Variants in VRK3 observed in about 807,000 individuals in gnomAD.
The protein encoded by VRK3 is VRK serine/threonine kinase 3, also known as serine/threonine-protein kinase VRK3.
In VRK3, 50 loss-of-function variants were observed where a neutral mutation model predicts 60.4. The observed-to-expected ratio is 0.83, with a 90% confidence interval of 0.66 to 1.05. VRK3 has a LOEUF of 1.05. Among genes scored for constraint, VRK3 ranks in the 50% least tolerant of loss-of-function variants. The pLI is 0.00. For missense variants in VRK3, 549 were observed against 585.3 expected, an observed-to-expected ratio of 0.94 and a Z score of 0.64; for synonymous variants, 246 against 227.8, an observed-to-expected ratio of 1.08 and a Z score of -0.72.
intron 13 of VRK3, among the ~76,000 whole-genome samples, chr19:49,980,365 G>T (rs1261643204): frequency 6.6e-6 from 1 of 152,142 alleles, no homozygotes; most frequent in Non-Finnish European, 1.5e-5. Flanking sequence ...TGGCCCCAGG[G>T]TTAAGTGAAA....
intron 10 of VRK3, among the ~76,000 whole-genome samples, chr19:49,990,132 T>C (rs1477286480): frequency 1.3e-5 from 2 of 152,150 alleles, no homozygotes; most frequent in Non-Finnish European, 2.9e-5. Flanking sequence ...ACCGGCACTT[T>C]ACACTTTAAT....
rs774230041 is a variant in VRK3, at chr19:49,988,415, T to C, written c.1174A>G (p.Asn392Asp). ...KWLYGFLPWTNCLPNTEDIMK... is the reference protein window; with the variant it reads ...KWLYGFLPWTDCLPNTEDIMK... ...ATGTCCTCAGTGTTGGGAAGGCAATTTGTCCATGGCAGAAACCCGTAGAGC... is the reference window on the plus strand; with the variant it reads ...ATGTCCTCAGTGTTGGGAAGGCAATCTGTCCATGGCAGAAACCCGTAGAGC... The change falls in exon 12 of 15, where the codon AAT becomes GAT. Residue 392 changes from asparagine to aspartate, a missense_variant. Coordinates refer to ENST00000316763, the MANE Select transcript of VRK3 (RefSeq NM_016440.4). The C allele has an allele frequency of 4.3e-6, 7 of 1,613,424 alleles. No homozygotes were observed. The highest frequency in any genetic ancestry group is 1.7e-5 in the Admixed American group (1 of 59,994).
chr19:49,985,869 T>G (rs1219216479), intron 12 of VRK3, among the ~76,000 whole-genome samples: 3 of 152,188 alleles, frequency 2.0e-5, no homozygotes, highest in African/African-American at 7.2e-5. Flanking sequence ...ATGGGCTGTC[T>G]CTGGAGTTGA....
At chr19:50,001,457 G>GC (rs1446705729) in intron 5 of VRK3, 1 of 152,378 alleles carries the variant, frequency 6.6e-6, no homozygotes, top group Non-Finnish European at 1.5e-5. Flanking sequence ...GCCTCTCCTG[G>GC]CCCAACACGG....
intron 12 of VRK3, among the ~76,000 whole-genome samples, chr19:49,983,577 A>G (rs1239582360): frequency 2.0e-5 from 3 of 152,214 alleles, no homozygotes; most frequent in Non-Finnish European, 4.4e-5. Flanking sequence ...CAGCCCTAAC[A>G]GCGGGTCCAA....
rs3217382 is a variant in VRK3 at position 50,007,714 on chromosome 19, C to CCTGGTCTTCTGAGGGCTACAG, written c.381_401dup (p.Ser127_Thr133dup). Reference sequence around the variant, plus strand: ...TCCGCTTCAGCGTCTGAGGGCTCTGCCTGGTCTTCTGAGGGCTACAGCTGG... The same window carrying CCTGGTCTTCTGAGGGCTACAG: ...TCCGCTTCAGCGTCTGAGGGCTCTGCCTGGTCTTCTGAGGGCTACAGCTGGTCTTCTGAGGGCTACAGCTGG... On this transcript the variant is annotated inframe_insertion, in exon 5 of 15. Transcript: ENST00000316763. 6.2e-7 allele frequency: 1 copy of CCTGGTCTTCTGAGGGCTACAG among 1,614,106 alleles called. No homozygotes were observed. Among genetic ancestry groups the CCTGGTCTTCTGAGGGCTACAG allele is most frequent in the Non-Finnish European group, 8.5e-7 (1 of 1,180,008 alleles).
At chr19:49,983,656 G>A (rs777520092) in intron 12 of VRK3, among the ~76,000 whole-genome samples, 6 of 152,224 alleles carry the variant, frequency 3.9e-5, no homozygotes, top group African/African-American at 7.2e-5. Context: ...GGACTTCAAC[G>A]GCCTCTCCTC....
intron 13 of VRK3, among the ~76,000 whole-genome samples, chr19:49,980,270 T>G (rs1158554163): frequency 6.6e-6 from 1 of 152,112 alleles, no homozygotes; most frequent in Non-Finnish European, 1.5e-5. Flanking sequence ...GGATTGGCTT[T>G]ATAAGTTACG....
Position 49,995,356 on chromosome 19 carries a change from C to T in VRK3, c.680-81G>A, listed in dbSNP as rs765059607. On this transcript the variant is annotated intron_variant, in intron 7 of 14. Coordinates refer to ENST00000316763, the MANE Select transcript of VRK3 (RefSeq NM_016440.4). ...TAAGAGCTAGTTCTCAGAGAAGAAGCACAGAGTGCCCAGACCGCCTCCAAG... is the reference window on the plus strand; with the variant it reads ...TAAGAGCTAGTTCTCAGAGAAGAAGTACAGAGTGCCCAGACCGCCTCCAAG... 2.9e-4 allele frequency: 378 copies of T among 1,289,248 alleles called. 2 individuals are homozygous for T. Among genetic ancestry groups the T allele is most frequent in the South Asian group, 2.4e-3 (197 of 81,266 alleles). 79.9% of individuals were successfully genotyped at this position (1,289,248 alleles called of 1,614,324 possible).
intron 1 of VRK3, among the ~76,000 whole-genome samples, chr19:50,023,735 T>TGGG (rs1260921315): frequency 6.9e-6 from 1 of 145,018 alleles, no homozygotes; most frequent in South Asian, 2.1e-4. Flanking sequence ...GCCAAGAAGG[T>TGGG]GGGTGGGGGG....
intron 3 of VRK3, among the ~76,000 whole-genome samples, chr19:50,013,199 C>T (rs1193534255): frequency 3.9e-5 from 6 of 152,104 alleles, no homozygotes; most frequent in Non-Finnish European, 7.4e-5. Flanking sequence ...AACACTCTGA[C>T]TCTCAAGTTG....
At chr19:49,997,450 C>T (rs889067961) in intron 7 of VRK3, 54 bp downstream of exon 7, 2 of 1,598,536 alleles carry the variant, frequency 1.3e-6, no homozygotes, top group East Asian at 4.5e-5. Flanking sequence ...AGTGCTGTGA[C>T]CAAGTTGGCG....
intron 5 of VRK3, among the ~76,000 whole-genome samples, chr19:50,004,145 C>A (rs2076855267): frequency 6.6e-6 from 1 of 152,198 alleles, no homozygotes; most frequent in South Asian, 2.1e-4. Flanking sequence ...TAAGGGAAAA[C>A]CAAAACCACA....
At chr19:49,982,501 T>G (rs768574) in intron 12 of VRK3, among the ~76,000 whole-genome samples, 57,833 of 152,068 alleles carry the variant, frequency 0.38, 12,027 homozygotes, top group East Asian at 0.74. Context: ...AAAAAATGTA[T>G]CATTAACTAA....
chr19:50,003,311 G>A (rs2076839934), intron 5 of VRK3, among the ~76,000 whole-genome samples: 2 of 152,248 alleles, frequency 1.3e-5, no homozygotes, highest in African/African-American at 4.8e-5. Context: ...AGCTGTAGGA[G>A]AATAAGCATG....
intron 10 of VRK3, among the ~76,000 whole-genome samples, chr19:49,991,883 C>T (rs1033309979): frequency 6.6e-6 from 1 of 152,174 alleles, no homozygotes; most frequent in African/African-American, 2.4e-5. Context: ...CACACAGTCC[C>T]TTTTGGTTTT....
intron 3 of VRK3, 123 bp downstream of exon 3, chr19:50,015,901 C>A: frequency 7.3e-7 from 1 of 1,363,474 alleles, no homozygotes. Context: ...AGTCCTGAGG[C>A]CTGGGCTTCT....
intron 5 of VRK3, among the ~76,000 whole-genome samples, chr19:50,005,614 A>G (rs2076877729): frequency 6.7e-6 from 1 of 149,888 alleles, no homozygotes. Context: ...CAAAGCGGAA[A>G]CTACCCAAAC....
In VRK3 at chr19:50,015,031, C is replaced by T. The variant is rs954622365; in HGVS notation, c.139+993G>A. Among the ~76,000 whole-genome samples the T allele has an allele frequency of 2.6e-5, 4 of 151,944 alleles. No individual in the cohort carries two copies. In the East Asian group the frequency reaches 5.8e-4, roughly 22 times the overall value. On this transcript the variant is annotated intron_variant, in intron 3 of 14. Transcript: ENST00000316763. ...ATTTGCTGAAGGGGTGGGTGTGTCACGGGGTGCGAGACAAAGAGAACTCAA... is the reference window on the plus strand; with the variant it reads ...ATTTGCTGAAGGGGTGGGTGTGTCATGGGGTGCGAGACAAAGAGAACTCAA...
Sources: allele counts gnomAD v4.1 joint callset (sites outside exome capture counted in the v4.1 genomes callset), GRCh38; gene constraint gnomAD v4.1.1; transcripts MANE v1.5; gene names NCBI Gene and HGNC (gene_info 2026-07-23, HGNC 2026-07-21).